The following LARP4B variants were observed in gnomAD, a reference collection of about 807,000 sequenced individuals.
The protein encoded by LARP4B is La ribonucleoprotein 4B, also known as la-related protein 4B.
Under a neutral mutation model 89.8 loss-of-function variants are expected in LARP4B, and 12 were observed. The ratio of observed to expected loss-of-function variants is 0.13; its 90% CI spans 0.09 to 0.22. The LOEUF is 0.22. Among genes scored for constraint, LARP4B ranks in the 10% least tolerant of loss-of-function variants. The pLI is 1.00. For synonymous variants in LARP4B, 367 were observed against 363.3 expected (o/e 1.01, Z -0.12); for missense variants, 757 against 947.7 (o/e 0.80, Z 2.64).
intron 1 of LARP4B, among the ~76,000 whole-genome samples, chr10:907,197 T>C (rs991807999): frequency 3.3e-5 from 5 of 152,232 alleles, no homozygotes; most frequent in African/African-American, 1.2e-4. Context: ...TTCACTGTTG[T>C]ATCCCTAACA....
intron 3 of LARP4B, among the ~76,000 whole-genome samples, chr10:882,934 A>G (rs572624999): frequency 1.5e-4 from 23 of 152,178 alleles, no homozygotes; most frequent in Non-Finnish European, 2.6e-4. Context: ...CCACCTAATC[A>G]CTAAACCAAT....
intron 7 of LARP4B, among the ~76,000 whole-genome samples, chr10:842,413 G>A (rs1833567455): frequency 6.6e-6 from 1 of 152,052 alleles, no homozygotes. Context: ...GGCCAAGACA[G>A]TCTCAATCTC....
At chr10:854,664 C>A (rs1448063015) in intron 5 of LARP4B, among the ~76,000 whole-genome samples, 1 of 151,964 alleles carries the variant, frequency 6.6e-6, no homozygotes. Context: ...GTCATCCAGG[C>A]TTTGTTGTTC....
chr10:855,483 A>AAG (rs775771701), intron 5 of LARP4B, among the ~76,000 whole-genome samples: 7 of 151,964 alleles, frequency 4.6e-5, no homozygotes, highest in African/African-American at 9.7e-5. Context: ...GGCCCAAGCA[A>AAG]AGAGAGAGAG....
At chr10:926,341 A>G (rs1837131586) in intron 1 of LARP4B, among the ~76,000 whole-genome samples, 1 of 152,246 alleles carries the variant, frequency 6.6e-6, no homozygotes, top group Non-Finnish European at 1.5e-5. Flanking sequence ...TAAGGAGCTA[A>G]GTAAATATTT....
chr10:817,983 C>T, intron 14 of LARP4B, 94 bp from the exon 15 acceptor site: 1 of 1,264,056 alleles, frequency 7.9e-7, no homozygotes, highest in Non-Finnish European at 1.1e-6. Flanking sequence ...TCTGTAGAAA[C>T]AAGCAGATCA....
intron 1 of LARP4B, among the ~76,000 whole-genome samples, chr10:887,002 G>A (rs1298443591): frequency 1.3e-5 from 2 of 152,064 alleles, no homozygotes; most frequent in African/African-American, 4.8e-5. Context: ...CACAAGAATC[G>A]CTTGAACCCG....
the LARP4B span, among the ~76,000 whole-genome samples, chr10:963,291 G>C: frequency 7.3e-3 from 1,116 of 152,300 alleles, 18 homozygotes; most frequent in African/African-American, 0.025. Context: ...TCACAAGTGA[G>C]TGACCGTGGA....
chr10:976,517 C>A, the LARP4B span, among the ~76,000 whole-genome samples: 2 of 134,870 alleles, frequency 1.5e-5, no homozygotes, highest in Admixed American at 7.5e-5. Flanking sequence ...AGGCCTGTTG[C>A]GTAATGTGCG....
At chr10:880,101 A>G (rs1290139376) in intron 3 of LARP4B, among the ~76,000 whole-genome samples, 1 of 152,120 alleles carries the variant, frequency 6.6e-6, no homozygotes, top group African/African-American at 2.4e-5. Context: ...CAGACTGACA[A>G]GGTGGTAACA....
intron 17 of LARP4B, 73 bp from the exon 18 acceptor site, chr10:813,286 TTAAGA>T (rs1046011830): frequency 8.3e-6 from 12 of 1,440,744 alleles, no homozygotes; most frequent in African/African-American, 2.9e-5. Context: ...TCAAGTTCAC[TTAAGA>T]TAAAAGAGTT....
the LARP4B span, chr10:972,229 T>C: frequency 1.3e-5 from 4 of 319,792 alleles, no homozygotes; most frequent in Non-Finnish European, 2.5e-5. Context: ...GGTTTTGCCA[T>C]GTTGGCCAGA....
At chr10:982,870 G>T in the LARP4B span, among the ~76,000 whole-genome samples, 1 of 152,228 alleles carries the variant, frequency 6.6e-6, no homozygotes, top group African/African-American at 2.4e-5. Context: ...GTTATTTGCT[G>T]GGTAGGGATC....
In LARP4B at chr10:844,968, C is replaced by CA; in HGVS notation, c.509+8dup. On this transcript the variant is annotated intron_variant, in intron 6 of 17. Transcript: ENST00000316157. ...TATCAGGTACTAGAAAAACCACCAC[C>CA]AGCCTTACCTAGATAAGCAGAATTC... The CA allele has an allele frequency of 6.2e-7, 1 of 1,603,318 alleles. No homozygotes were observed. Among genetic ancestry groups the CA allele is most frequent in the Non-Finnish European group, 8.5e-7 (1 of 1,175,624 alleles).
the LARP4B span, among the ~76,000 whole-genome samples, chr10:950,106 A>G: frequency 3.0e-4 from 45 of 151,806 alleles, no homozygotes; most frequent in Admixed American, 1.0e-3. Context: ...TTGAGTTTTG[A>G]GAGTTCTTTG....
At chr10:808,696 ACAC>A (rs1246801314), downstream of LARP4B, 1 of 151,686 alleles carries the variant, frequency 6.6e-6, no homozygotes, top group Non-Finnish European at 1.5e-5. Flanking sequence ...CACACCACAC[ACAC>A]GATTAGGCCC....
At chr10:883,820 G>A (rs577632202) in intron 3 of LARP4B, among the ~76,000 whole-genome samples, 5 of 150,498 alleles carry the variant, frequency 3.3e-5, no homozygotes, top group South Asian at 4.2e-4. Context: ...CAATTCCTAC[G>A]TGAACTGCTT....
At chr10:944,290 T>G in the LARP4B span, among the ~76,000 whole-genome samples, 22 of 152,208 alleles carry the variant, frequency 1.4e-4, no homozygotes, top group African/African-American at 2.4e-4. Flanking sequence ...ATTCAAGGCC[T>G]GGCTGGTGAA....
chr10:845,781 T>G (rs75550825), intron 5 of LARP4B, among the ~76,000 whole-genome samples: 1 of 152,324 alleles, frequency 6.6e-6, no homozygotes, highest in East Asian at 1.9e-4. Context: ...ATTTTAATAA[T>G]GTTGCGATGA....
Sources: allele counts gnomAD v4.1 joint callset (sites outside exome capture counted in the v4.1 genomes callset), GRCh38; gene constraint gnomAD v4.1.1; transcripts MANE v1.5; gene names NCBI Gene and HGNC (gene_info 2026-07-23, HGNC 2026-07-21).